Variants in CDH20 observed in about 807,000 individuals in gnomAD.
The protein encoded by CDH20 is cadherin-20.
In CDH20, 29 loss-of-function variants were observed where a neutral mutation model predicts 74.2. That is an observed-to-expected ratio of 0.39 (90% CI 0.29 to 0.53). CDH20 has a LOEUF of 0.53. Ranked by LOEUF, CDH20 falls within the 20% of genes least tolerant of loss-of-function variation. CDH20 has a pLI of 0.69. For synonymous variants in CDH20, 469 were observed against 405.4 expected (o/e 1.16, Z -1.88); for missense variants, 988 against 1,048.3 (o/e 0.94, Z 0.79).
chr18:61,354,957 A>G (rs1446877035), intron 1 of CDH20, among the ~76,000 whole-genome samples: 2 of 152,198 alleles, frequency 1.3e-5, no homozygotes, highest in Non-Finnish European at 2.9e-5. Flanking sequence ...AGTGAAAGGC[A>G]ATGCCGTAAA....
chr18:61,490,379 CTG>C (rs1310518634), intron 1 of CDH20, 21 bp from the exon 2 acceptor site: 5 of 621,668 alleles, frequency 8.0e-6, no homozygotes, highest in African/African-American at 5.5e-5. Context: ...CATCATCACA[CTG>C]TGTTTTCCTT....
At chr18:61,429,682 C>G (rs527319881) in intron 1 of CDH20, among the ~76,000 whole-genome samples, 62 of 152,298 alleles carry the variant, frequency 4.1e-4, no homozygotes, top group African/African-American at 1.4e-3. Context: ...CCTCGTCTCC[C>G]CTGATTCTAA....
intron 1 of CDH20, among the ~76,000 whole-genome samples, chr18:61,337,117 G>A (rs1360307920): frequency 6.6e-6 from 1 of 152,192 alleles, no homozygotes; most frequent in Non-Finnish European, 1.5e-5. Flanking sequence ...ATAAGAGCAA[G>A]AGAGAAATAG....
At chr18:61,459,750 C>G (rs1909703709) in intron 1 of CDH20, among the ~76,000 whole-genome samples, 1 of 152,090 alleles carries the variant, frequency 6.6e-6, no homozygotes. Context: ...CTGTCTACAC[C>G]ACTCCAGGAG....
intron 1 of CDH20, among the ~76,000 whole-genome samples, chr18:61,339,390 C>T (rs541645822): frequency 7.5e-4 from 110 of 147,474 alleles, no homozygotes; most frequent in African/African-American, 2.7e-3. Flanking sequence ...CACACACACA[C>T]ATATATATTG....
chr18:61,340,838 TAAAG>T (rs1328994978), intron 1 of CDH20, among the ~76,000 whole-genome samples: 2 of 152,230 alleles, frequency 1.3e-5, no homozygotes, highest in East Asian at 3.8e-4. Flanking sequence ...AAAAATTGGA[TAAAG>T]AAATTTCATT....
intron 1 of CDH20, among the ~76,000 whole-genome samples, chr18:61,350,314 T>G (rs1910262474): frequency 6.6e-6 from 1 of 152,196 alleles, no homozygotes; most frequent in Non-Finnish European, 1.5e-5. Context: ...ATTGCTGATC[T>G]CCAAGCCTTC....
intron 1 of CDH20, among the ~76,000 whole-genome samples, chr18:61,450,400 A>C (rs942648528): frequency 6.6e-6 from 1 of 151,886 alleles, no homozygotes; most frequent in Non-Finnish European, 1.5e-5. Flanking sequence ...AAAAAAAAAA[A>C]AAAAACTTTT....
At chr18:61,478,202 A>G (rs1910460235) in intron 1 of CDH20, among the ~76,000 whole-genome samples, 1 of 151,860 alleles carries the variant, frequency 6.6e-6, no homozygotes, top group Admixed American at 6.6e-5. Context: ...CTGTCTCAAA[A>G]AAAAAAAAAA....
Position 61,555,422 on chromosome 18 carries a change from C to G in CDH20, c.*727C>G. The G allele has an allele frequency of 1.0e-6, 1 of 985,364 alleles. No homozygotes were observed. The highest frequency in any genetic ancestry group is 1.2e-6 in the Non-Finnish European group (1 of 829,928). 61.0% of individuals were successfully genotyped at this position (985,364 alleles called of 1,614,324 possible). On this transcript the variant is annotated 3_prime_UTR_variant, in exon 12 of 12. Transcript: ENST00000262717. ...TCTCCTCTCAGCTATTTAACTGTGC[C>G]CCTGCAAAATTGTTCAGAATGAAAC...
chr18:61,468,482 A>C (rs1303019081), intron 1 of CDH20, among the ~76,000 whole-genome samples: 1 of 152,066 alleles, frequency 6.6e-6, no homozygotes, highest in Non-Finnish European at 1.5e-5. Context: ...ATAATGGTAA[A>C]TCTTTTCTAA....
At chr18:61,404,797 CTTT>C (rs71178967) in intron 1 of CDH20, 2,070 of 221,856 alleles carry the variant, frequency 9.3e-3, no homozygotes, top group East Asian at 0.015. Flanking sequence ...AAATTGTCAA[CTTT>C]TTTTTTTTTT....
intron 1 of CDH20, among the ~76,000 whole-genome samples, chr18:61,343,887 A>G (rs1910033408): frequency 1.3e-5 from 2 of 152,102 alleles, no homozygotes; most frequent in African/African-American, 2.4e-5. Context: ...TGAGCTTCCT[A>G]ATGATGAACT....
At chr18:61,341,389 G>C (rs67987726) in intron 1 of CDH20, among the ~76,000 whole-genome samples, 69,652 of 150,880 alleles carry the variant, frequency 0.46, 16,843 homozygotes, top group East Asian at 0.71. Flanking sequence ...CATAAGGGCT[G>C]TATCTACCCT....
chr18:61,483,069 G>A (rs544604054), intron 1 of CDH20, among the ~76,000 whole-genome samples: 1 of 152,138 alleles, frequency 6.6e-6, no homozygotes, highest in East Asian at 1.9e-4. Flanking sequence ...ATTTTTCAGG[G>A]TCTAGTTCAT....
chr18:61,504,435 T>C (rs912709692), intron 5 of CDH20, among the ~76,000 whole-genome samples: 1 of 152,160 alleles, frequency 6.6e-6, no homozygotes, highest in African/African-American at 2.4e-5. Flanking sequence ...AGAAGGATTG[T>C]ACTACTAATA....
rs868051339 is a variant in CDH20, at chr18:61,550,299, T to C, written c.1900+70T>C. The C allele has an allele frequency of 3.9e-6, 6 of 1,542,638 alleles. No individual in the cohort carries two copies. In the African/African-American group the frequency reaches 5.4e-5, roughly 14 times the overall value. On this transcript the variant is annotated intron_variant, in intron 11 of 11. Coordinates refer to ENST00000262717, the MANE Select transcript of CDH20 (RefSeq NM_031891.4). ...GCACTCAGACATTTGTTCATTACCT[T>C]CCTGACACAGCTATTCAGAACTGGT...
Position 61,500,502 on chromosome 18 carries a change from G to A in CDH20, c.661G>A (p.Gly221Ser). Residue 221 changes from glycine (G) to serine (S), a missense_variant and splice_region_variant, in exon 4 of 12, where the codon GGT becomes AGT. Coordinates refer to ENST00000262717, the MANE Select transcript of CDH20 (RefSeq NM_031891.4). ...QPYFSVDSKT[G>S]VIRTALMNMD... is the part of the protein sequence containing the mutation. ...ATATTTTTCTGTGGACTCTAAAACA[G>A]GTATCTGATACAAGGGTCGAGTCAG... is the stretch of plus-strand genomic sequence containing the variant. 1 of 1,605,278 alleles carries A rather than the reference G, an allele frequency of 6.2e-7. No individual in the cohort carries two copies. The highest frequency in any genetic ancestry group is 8.5e-7 in the Non-Finnish European group (1 of 1,174,632).
chr18:61,344,645 C>T (rs557065090), intron 1 of CDH20, among the ~76,000 whole-genome samples: 28 of 152,110 alleles, frequency 1.8e-4, no homozygotes, highest in Non-Finnish European at 3.1e-4. Flanking sequence ...TGCAAATTAC[C>T]ATGAGTTAAC....
Sources: gnomAD v4.1 joint callset for allele counts (sites outside exome capture counted in the v4.1 genomes callset) on GRCh38, gnomAD v4.1.1 for gene constraint, MANE v1.5 for transcripts, NCBI Gene and HGNC (gene_info 2026-07-23, HGNC 2026-07-21) for gene names.